PGM5: variants seen among roughly 807,000 people sequenced by gnomAD.
PGM5 encodes phosphoglucomutase 5.
Under a neutral mutation model 59.2 loss-of-function variants are expected in PGM5, and 23 were observed. The ratio of observed to expected loss-of-function variants is 0.39; its 90% CI spans 0.28 to 0.55. The LOEUF (loss-of-function observed/expected upper bound fraction) is 0.55, where lower values mean the gene tolerates loss of function less well. Ranked by LOEUF, PGM5 falls within the 20% of genes least tolerant of loss-of-function variation. The pLI, the probability that PGM5 is intolerant of heterozygous loss-of-function variation, is 0.66. For synonymous variants in PGM5, 214 were observed against 286.0 expected, an observed-to-expected ratio of 0.75 and a Z score of 2.54; for missense variants, 574 against 748.3, an observed-to-expected ratio of 0.77 and a Z score of 2.72.
At chr9:68,436,435 G>A (rs539336489) in intron 6 of PGM5, among the ~76,000 whole-genome samples, 13 of 152,224 alleles carry the variant, frequency 8.5e-5, no homozygotes, top group East Asian at 3.9e-4. Flanking sequence ...AGCAGGACCC[G>A]GAAGATAAAA....
At chr9:68,424,735 G>T (rs1823205047) in intron 6 of PGM5, among the ~76,000 whole-genome samples, 1 of 152,200 alleles carries the variant, frequency 6.6e-6, no homozygotes, top group Non-Finnish European at 1.5e-5. Flanking sequence ...TGATTCTCCA[G>T]TAAGGACTAC....
intron 10 of PGM5, among the ~76,000 whole-genome samples, chr9:68,523,470 T>G (rs1824928162): frequency 6.6e-6 from 1 of 152,140 alleles, no homozygotes; most frequent in Admixed American, 6.5e-5. Context: ...TCCCTTAGAC[T>G]ATGCAAAAGC....
intron 1 of PGM5, among the ~76,000 whole-genome samples, chr9:68,371,039 A>G (rs1320719186): frequency 4.9e-4 from 70 of 144,128 alleles, no homozygotes; most frequent in Non-Finnish European, 7.0e-4. Flanking sequence ...ATCTGTGTGG[A>G]CCCTGGGATC....
intron 6 of PGM5, among the ~76,000 whole-genome samples, chr9:68,411,033 G>GA (rs1252723855): frequency 6.6e-6 from 1 of 152,070 alleles, no homozygotes; most frequent in African/African-American, 2.4e-5. Flanking sequence ...TCTTATGGCA[G>GA]AAAAAAGACT....
At chr9:68,510,699 A>G (rs1373888746) in intron 10 of PGM5, among the ~76,000 whole-genome samples, 2 of 152,218 alleles carry the variant, frequency 1.3e-5, no homozygotes, top group Admixed American at 1.3e-4. Flanking sequence ...GGCCTGTGAC[A>G]CAGCCTCAGG....
chr9:68,429,156 G>A (rs549005658), intron 6 of PGM5: 49 of 152,200 alleles, frequency 3.2e-4, no homozygotes, highest in African/African-American at 1.2e-3. Context: ...ATGATATGAA[G>A]TTAAACTCTG....
chr9:68,393,063 T>G (rs1403410973), intron 6 of PGM5, among the ~76,000 whole-genome samples: 2 of 151,924 alleles, frequency 1.3e-5, no homozygotes, highest in Non-Finnish European at 2.9e-5. Context: ...ACTAACCCTA[T>G]TAGGTTTCAT....
chr9:68,419,361 T>C (rs759036562), intron 6 of PGM5, among the ~76,000 whole-genome samples: 4 of 152,148 alleles, frequency 2.6e-5, no homozygotes, highest in Admixed American at 6.5e-5. Context: ...AAAACACAAA[T>C]AGGTTTAATG....
rs1554683413 is a variant in PGM5, at chr9:68,437,380, G to A, written c.1044-27713G>A. 6.6e-6 allele frequency among the ~76,000 whole-genome samples: 1 copy of A among 152,166 alleles called. No homozygotes were observed. The highest frequency in any genetic ancestry group is 6.5e-5 in the Admixed American group (1 of 15,280). On this transcript the variant is annotated intron_variant, in intron 6 of 10. Coordinates refer to ENST00000396396, the MANE Select transcript of PGM5 (RefSeq NM_021965.4). The surrounding 1 kb of genome is among the most constrained non-coding windows in gnomAD (Gnocchi z 4.1). ...GAAATGGTGTGCCTTAAAGAGGAAG[G>A]AATTTACAGTAAAGCCTCAGGGAGC...
chr9:68,427,377 G>A (rs782432062), intron 6 of PGM5, among the ~76,000 whole-genome samples: 1 of 152,154 alleles, frequency 6.6e-6, no homozygotes, highest in Non-Finnish European at 1.5e-5. Context: ...ACCATATCCT[G>A]TGTCAAAGAA....
intron 2 of PGM5, among the ~76,000 whole-genome samples, chr9:68,378,651 G>A (rs1312921913): frequency 5.9e-5 from 9 of 152,150 alleles, no homozygotes; most frequent in East Asian, 1.9e-4. Context: ...CCTGAAGGTC[G>A]TTGTCTAAAT....
At chr9:68,439,813 C>T (rs1554683575) in intron 6 of PGM5, among the ~76,000 whole-genome samples, 1 of 151,462 alleles carries the variant, frequency 6.6e-6, no homozygotes, top group African/African-American at 2.4e-5. Context: ...AAAAGAGTCC[C>T]AGGGAAGCTG....
intron 2 of PGM5, among the ~76,000 whole-genome samples, chr9:68,382,446 C>T (rs1359799013): frequency 1.3e-5 from 2 of 151,600 alleles, no homozygotes; most frequent in African/African-American, 2.4e-5. Flanking sequence ...TGACATTGGC[C>T]TTGGCAATGA....
chr9:68,516,718 C>T (rs1285551573), intron 10 of PGM5, among the ~76,000 whole-genome samples: 4 of 152,136 alleles, frequency 2.6e-5, no homozygotes, highest in Non-Finnish European at 5.9e-5. Flanking sequence ...GTTCTCCTTG[C>T]CAAAGTGGGC....
At chr9:68,429,406 C>G in intron 6 of PGM5, 1 of 152,050 alleles carries the variant, frequency 6.6e-6, no homozygotes, top group East Asian at 1.9e-4. Context: ...AAAAACCAAT[C>G]CAGATTCTAA....
Position 68,384,550 on chromosome 9 carries a change from A to T in PGM5, c.571+6A>T. 6.2e-7 allele frequency: 1 copy of T among 1,601,052 alleles called. No individual in the cohort carries two copies. Among genetic ancestry groups the T allele is most frequent in the Non-Finnish European group, 8.5e-7 (1 of 1,172,302 alleles). On this transcript the variant is annotated splice_donor_region_variant and intron_variant, in intron 3 of 10. Transcript: ENST00000396396. ...CAAATTCAAACCATTCAGAGGTAACAGAGATTTTATTTTGAAGAAGTCAGA... is the reference window on the plus strand; with the variant it reads ...CAAATTCAAACCATTCAGAGGTAACTGAGATTTTATTTTGAAGAAGTCAGA...
At chr9:68,519,336 T>C (rs1824864541) in intron 10 of PGM5, among the ~76,000 whole-genome samples, 1 of 152,132 alleles carries the variant, frequency 6.6e-6, no homozygotes, top group Non-Finnish European at 1.5e-5. Flanking sequence ...TATTAATTAA[T>C]ATGGAGAATT....
rs561471066 is a variant in PGM5 at position 68,364,583 on chromosome 9, A to T, written c.261+7195A>T. Among the ~76,000 whole-genome samples the T allele has an allele frequency of 3.0e-3, 456 of 152,354 alleles. 4 individuals carry two copies. Among genetic ancestry groups the T allele is most frequent in the African/African-American group, 0.01 (433 of 41,576 alleles). On this transcript the variant is annotated intron_variant, in intron 1 of 10. Transcript: ENST00000396396. ...ATTAGGGAGGACAGGTTTGTGATAC[A>T]TTAGAAGACTTGAATGAGCCCTTCT...
At chr9:68,466,239 T>C (rs1823932658) in intron 7 of PGM5, 2 of 1,215,578 alleles carry the variant, frequency 1.6e-6, no homozygotes, top group Non-Finnish European at 1.1e-6. Flanking sequence ...GATGAGCCTG[T>C]TGAAGGAATT....
Sources: allele counts gnomAD v4.1 joint callset (sites outside exome capture counted in the v4.1 genomes callset), GRCh38; gene constraint gnomAD v4.1.1; non-coding constraint Gnocchi (gnomAD v3.1); transcripts MANE v1.5; gene names NCBI Gene and HGNC (gene_info 2026-07-23, HGNC 2026-07-21).